The following FAM153A variants were observed in gnomAD, a reference collection of about 807,000 sequenced individuals.
The protein encoded by FAM153A is protein FAM153A.
FAM153A carries 12 observed loss-of-function variants against 48.1 expected under a neutral mutation model. That is an observed-to-expected ratio of 0.25 (90% CI 0.16 to 0.40). FAM153A has a LOEUF of 0.40. Ranked by LOEUF, FAM153A falls within the 10% of genes least tolerant of loss-of-function variation. The pLI is 1.00. For missense variants in FAM153A, 111 were observed against 345.8 expected, an observed-to-expected ratio of 0.32 and a Z score of 5.38; for synonymous variants, 36 against 118.2, an observed-to-expected ratio of 0.30 and a Z score of 4.51.
At chr5:177,737,313 TG>T (rs1282077701) in intron 10 of FAM153A, among the ~76,000 whole-genome samples, 28 of 151,750 alleles carry the variant, frequency 1.8e-4, no homozygotes, top group South Asian at 4.2e-4. Flanking sequence ...GACAGAGCCT[TG>T]GGTCCTCTAG....
At chr5:177,738,352 A>G (rs1432225090) in intron 10 of FAM153A, among the ~76,000 whole-genome samples, 1 of 151,374 alleles carries the variant, frequency 6.6e-6, no homozygotes, top group Non-Finnish European at 1.5e-5. Flanking sequence ...CTGACCTCGC[A>G]ATGTCTGTTT....
downstream of FAM153A, among the ~76,000 whole-genome samples, chr5:177,705,214 G>T (rs1757769571): frequency 2.0e-5 from 3 of 151,566 alleles, no homozygotes; most frequent in African/African-American, 7.3e-5. Flanking sequence ...TGTGGTGGGA[G>T]AATCACTTGA....
intron 16 of FAM153A, 46 bp from the exon 19 acceptor site, chr5:177,729,601 T>C: frequency 6.2e-7 from 1 of 1,606,898 alleles, no homozygotes. Context: ...ACTGAGTGAA[T>C]CCCTCAGGTG....
At chr5:177,761,546 A>G (rs1202947310) in intron 1 of FAM153A, among the ~76,000 whole-genome samples, 1 of 150,114 alleles carries the variant, frequency 6.7e-6, no homozygotes, top group Non-Finnish European at 1.5e-5. Context: ...AGCAATGCAC[A>G]TGCTAATTTA....
the FAM153A span, among the ~76,000 whole-genome samples, chr5:177,695,996 C>T: frequency 2.7e-4 from 34 of 124,784 alleles, no homozygotes; most frequent in African/African-American, 9.2e-4. Context: ...GACGGGGTGG[C>T]GGCTGGGCAG....
the FAM153A span, among the ~76,000 whole-genome samples, chr5:177,702,054 C>T: frequency 2.0e-5 from 3 of 151,672 alleles, no homozygotes; most frequent in African/African-American, 7.3e-5. Context: ...ACTACAGGCG[C>T]CCGCCATCAC....
chr5:177,703,654 C>T (rs575839291), downstream of FAM153A, among the ~76,000 whole-genome samples: 50 of 107,836 alleles, frequency 4.6e-4, no homozygotes, highest in African/African-American at 1.1e-3. Context: ...TGTTTGAGGT[C>T]GGGCATGGTG....
intron 1 of FAM153A, among the ~76,000 whole-genome samples, chr5:177,759,253 C>A (rs1346226862): frequency 4.6e-5 from 7 of 151,752 alleles, no homozygotes; most frequent in Non-Finnish European, 1.0e-4. Context: ...AAATGCAAAT[C>A]AAAACCACAA....
the FAM153A span, among the ~76,000 whole-genome samples, chr5:177,699,856 A>G: frequency 2.6e-5 from 4 of 151,464 alleles, no homozygotes; most frequent in South Asian, 2.1e-4. Context: ...AACTCCTTCT[A>G]TGAGGCTAGT....
At chr5:177,753,180 A>C (rs200999109) in exon 1 of FAM153A, 13 of 1,611,272 alleles carry the variant, frequency 8.1e-6, no homozygotes, top group African/African-American at 4.0e-5. Context: ...ACATACCTTC[A>C]AGGCAACAAC....
At chr5:177,737,509 C>T (rs1764859605) in intron 10 of FAM153A, among the ~76,000 whole-genome samples, 1 of 151,154 alleles carries the variant, frequency 6.6e-6, no homozygotes, top group Admixed American at 6.6e-5. Context: ...TATTTTGTCC[C>T]TCCTAGATTT....
At chr5:177,723,376 A>G (rs1407360484) in exon 21 of FAM153A, 1 of 127,704 alleles carries the variant, frequency 7.8e-6, no homozygotes, top group Non-Finnish European at 1.7e-5. Flanking sequence ...CCTTATTTCA[A>G]GATTGGAAAA....
the FAM153A span, among the ~76,000 whole-genome samples, chr5:177,698,163 C>T: frequency 1.3e-5 from 2 of 151,518 alleles, no homozygotes; most frequent in South Asian, 4.2e-4. Context: ...AGGAATTGTG[C>T]CAACCAAGGA....
At chr5:177,706,236 G>A (rs1043692815), downstream of FAM153A, among the ~76,000 whole-genome samples, 20 of 151,100 alleles carry the variant, frequency 1.3e-4, no homozygotes, top group African/African-American at 3.9e-4. Flanking sequence ...TTGCTCTGTC[G>A]CCCAGGCTAG....
chr5:177,724,101 C>T (rs758157717), exon 21 of FAM153A: 3 of 1,611,320 alleles, frequency 1.9e-6, no homozygotes, highest in East Asian at 4.5e-5. Flanking sequence ...CTTCACTTGC[C>T]TTCAGAGGTC....
At chr5:177,728,771 C>T (rs1213414214) in intron 18 of FAM153A, among the ~76,000 whole-genome samples, 1 of 150,316 alleles carries the variant, frequency 6.7e-6, no homozygotes, top group African/African-American at 2.5e-5. Flanking sequence ...TTCTCAATGT[C>T]AGTCAGGCTG....
upstream of FAM153A, among the ~76,000 whole-genome samples, chr5:177,756,161 A>C (rs1441523866): frequency 9.9e-5 from 15 of 150,754 alleles, no homozygotes; most frequent in Non-Finnish European, 7.4e-5. Flanking sequence ...CAAATGGAAA[A>C]CAAAAAAAGG....
the FAM153A span, among the ~76,000 whole-genome samples, chr5:177,694,825 G>T: frequency 6.8e-6 from 1 of 147,230 alleles, no homozygotes; most frequent in African/African-American, 2.6e-5. Context: ...TTTTCTTGTT[G>T]CTTTCCCTCA....
intron 1 of FAM153A, among the ~76,000 whole-genome samples, chr5:177,761,047 G>A (rs1296845069): frequency 2.6e-5 from 4 of 151,668 alleles, no homozygotes; most frequent in Non-Finnish European, 5.9e-5. Flanking sequence ...TATGAAGCGG[G>A]ACTGAATCCA....
Sources: gnomAD v4.1 joint callset for allele counts (sites outside exome capture counted in the v4.1 genomes callset) on GRCh38, gnomAD v4.1.1 for gene constraint, MANE v1.5 for transcripts, NCBI Gene and HGNC (gene_info 2026-07-23, HGNC 2026-07-21) for gene names.